The following FHIP1A variants were observed in gnomAD, a reference collection of about 807,000 sequenced individuals.
FHIP1A encodes FHF complex subunit HOOK interacting protein 1A.
In FHIP1A, 61 loss-of-function variants were observed where a neutral mutation model predicts 88.6. The ratio of observed to expected loss-of-function variants is 0.69; its 90% confidence interval spans 0.56 to 0.85. The LOEUF (loss-of-function observed/expected upper bound fraction) is 0.85, where lower values mean the gene tolerates loss of function less well. Ranked by LOEUF, FHIP1A falls within the 40% of genes least tolerant of loss-of-function variation. The pLI, the probability that FHIP1A is intolerant of heterozygous loss-of-function variation, is 0.00. For missense variants in FHIP1A, 1,154 were observed against 1,273.5 expected (o/e 0.91, Z 1.43); for synonymous variants, 478 against 496.0 (o/e 0.96, Z 0.48).
chr4:151,494,558 GT>G (rs1278018240), intron 3 of FHIP1A, among the ~76,000 whole-genome samples: 1 of 152,104 alleles, frequency 6.6e-6, no homozygotes, highest in Non-Finnish European at 1.5e-5. Context: ...GTACCTTGCT[GT>G]TTTGGTTATT....
chr4:151,644,800 GC>G (rs1364719370), intron 9 of FHIP1A, among the ~76,000 whole-genome samples: 2 of 152,024 alleles, frequency 1.3e-5, no homozygotes, highest in African/African-American at 4.8e-5. Flanking sequence ...CCCTGTTCCT[GC>G]TGTGCACCCT....
intron 2 of FHIP1A, among the ~76,000 whole-genome samples, chr4:151,470,400 A>G (rs1412874908): frequency 6.6e-6 from 1 of 152,220 alleles, no homozygotes; most frequent in Non-Finnish European, 1.5e-5. Flanking sequence ...AAAACTTCTT[A>G]TAAATATTCT....
At chr4:151,587,986 C>T (rs769692428) in intron 6 of FHIP1A, among the ~76,000 whole-genome samples, 56 of 152,026 alleles carry the variant, frequency 3.7e-4, no homozygotes, top group Non-Finnish European at 6.8e-4. Flanking sequence ...CTTCACTTTC[C>T]TAGAAATTGC....
chr4:151,586,551 G>A (rs1734220559), intron 5 of FHIP1A, 90 bp from the exon 6 acceptor site: 13 of 1,044,748 alleles, frequency 1.2e-5, no homozygotes, highest in African/African-American at 7.9e-5. Flanking sequence ...ATAGTTTTGG[G>A]ACCAGCAGCA....
chr4:151,616,598 G>C (rs1468156809), intron 7 of FHIP1A, among the ~76,000 whole-genome samples: 1 of 151,678 alleles, frequency 6.6e-6, no homozygotes, highest in Non-Finnish European at 1.5e-5. Context: ...ACAGGTGCCC[G>C]CCACCACACC....
intron 13 of FHIP1A, among the ~76,000 whole-genome samples, 157 bp downstream of exon 13, chr4:151,657,055 A>G (rs1257618883): frequency 1.3e-5 from 2 of 152,226 alleles, no homozygotes; most frequent in African/African-American, 4.8e-5. Flanking sequence ...ACCTCTTAGC[A>G]TTCTTAAACC....
intron 1 of FHIP1A, among the ~76,000 whole-genome samples, chr4:151,414,939 A>C (rs1157316186): frequency 6.6e-6 from 1 of 152,200 alleles, no homozygotes; most frequent in Non-Finnish European, 1.5e-5. Context: ...GCAATGTTAT[A>C]TTCTGGATAA....
rs561245046 is a variant in FHIP1A, at chr4:151,666,836, A to G, written c.*4082A>G. Among the ~76,000 whole-genome samples the G allele has an allele frequency of 2.1e-4, 32 of 152,364 alleles. No individual in the cohort carries two copies. Among genetic ancestry groups the G allele is most frequent in the Middle Eastern group, 3.4e-3 (1 of 294 alleles). On this transcript the variant is annotated 3_prime_UTR_variant, in exon 14 of 14. Coordinates refer to ENST00000435205, the MANE Select transcript of FHIP1A (RefSeq NM_001109977.3). ...ATGGCATCGTCCTCTGGGAATAATC[A>G]GTCCTTAATACAGTTTTCACTTGAC...
Position 151,650,126 on chromosome 4 carries a change from G to A in FHIP1A, c.2085G>A (p.Glu695=). 2.6e-6 allele frequency: 4 copies of A among 1,551,704 alleles called. No individual in the cohort carries two copies. In the African/African-American group the frequency reaches 5.5e-5, roughly 21 times the overall value. Residue 695 remains glutamate (E), a synonymous_variant, in exon 11 of 14, where the codon GAG becomes GAA. Coordinates refer to ENST00000435205, the MANE Select transcript of FHIP1A (RefSeq NM_001109977.3). ...LSTQPETDSE[E]EWNRDNSDPF... ...CCCAGCCAGAGACAGATTCAGAGGAGGAGTGGAATAGGGACAATTCAGACC... is the reference window on the plus strand; with the variant it reads ...CCCAGCCAGAGACAGATTCAGAGGAAGAGTGGAATAGGGACAATTCAGACC...
intron 3 of FHIP1A, among the ~76,000 whole-genome samples, chr4:151,543,526 A>G (rs990689272): frequency 6.6e-6 from 1 of 152,246 alleles, no homozygotes; most frequent in African/African-American, 2.4e-5. Context: ...AATAGCATAC[A>G]ATACACCTGG....
intron 8 of FHIP1A, among the ~76,000 whole-genome samples, chr4:151,635,820 A>G (rs1474939000): frequency 6.6e-6 from 1 of 152,036 alleles, no homozygotes; most frequent in Non-Finnish European, 1.5e-5. Flanking sequence ...CAATGTGAAT[A>G]TAGTTACCAC....
chr4:151,596,882 T>C (rs1157877159), intron 7 of FHIP1A, among the ~76,000 whole-genome samples: 1 of 152,156 alleles, frequency 6.6e-6, no homozygotes, highest in Non-Finnish European at 1.5e-5. Flanking sequence ...ATCAGGTCAT[T>C]TACATTCTTT....
chr4:151,437,657 A>G (rs1728251952), intron 1 of FHIP1A, among the ~76,000 whole-genome samples: 1 of 152,174 alleles, frequency 6.6e-6, no homozygotes, highest in South Asian at 2.1e-4. Flanking sequence ...CCATGTATTC[A>G]ACTATTATTC....
chr4:151,483,463 G>A (rs990521674), intron 3 of FHIP1A, among the ~76,000 whole-genome samples: 5 of 152,148 alleles, frequency 3.3e-5, no homozygotes, highest in Non-Finnish European at 5.9e-5. Flanking sequence ...CATATTGCAA[G>A]TGAATGTCAA....
intron 1 of FHIP1A, among the ~76,000 whole-genome samples, chr4:151,448,339 T>C (rs1393484104): frequency 6.6e-6 from 1 of 152,166 alleles, no homozygotes; most frequent in East Asian, 1.9e-4. Context: ...TTTTAACAGT[T>C]TTTAAGCATA....
chr4:151,581,166 C>T (rs1463966279), intron 5 of FHIP1A, among the ~76,000 whole-genome samples: 2 of 152,118 alleles, frequency 1.3e-5, no homozygotes, highest in Non-Finnish European at 2.9e-5. Context: ...CCAGAGTTTA[C>T]ATAAAATTTT....
intron 8 of FHIP1A, among the ~76,000 whole-genome samples, chr4:151,636,426 A>G (rs1259387798): frequency 6.6e-6 from 1 of 152,004 alleles, no homozygotes; most frequent in Non-Finnish European, 1.5e-5. Flanking sequence ...CAATTCAATA[A>G]GAAAATGAAA....
chr4:151,546,433 C>G (rs1159001279), intron 3 of FHIP1A, among the ~76,000 whole-genome samples: 2 of 152,188 alleles, frequency 1.3e-5, no homozygotes, highest in Non-Finnish European at 2.9e-5. Flanking sequence ...ATTGCGTGAG[C>G]TAAGTCCCCT....
chr4:151,573,204 T>C (rs1252701457), intron 4 of FHIP1A, among the ~76,000 whole-genome samples: 4 of 152,184 alleles, frequency 2.6e-5, no homozygotes, highest in Admixed American at 2.6e-4. Context: ...TATGTGTTTC[T>C]TTCTTTTTGG....
Sources: allele counts gnomAD v4.1 joint callset (sites outside exome capture counted in the v4.1 genomes callset), GRCh38; gene constraint gnomAD v4.1.1; transcripts MANE v1.5; gene names NCBI Gene and HGNC (gene_info 2026-07-23, HGNC 2026-07-21).